Variants in CRPPA observed in about 807,000 individuals in gnomAD.
CRPPA encodes the protein CDP-L-ribitol pyrophosphorylase A.
A neutral mutation model predicts 52.0 loss-of-function variants in CRPPA; 43 were observed. The ratio of observed to expected loss-of-function variants is 0.83; its 90% confidence interval spans 0.65 to 1.07. CRPPA has a LOEUF of 1.07. CRPPA is among the 50% of genes least tolerant of loss of function. The probability of loss-of-function intolerance (pLI) is 0.00; values close to 1 mark genes in which losing one functional copy is unlikely to be tolerated. For missense variants in CRPPA, 629 were observed against 551.7 expected, an observed-to-expected ratio of 1.14 and a Z score of -1.40; for synonymous variants, 250 against 203.5, an observed-to-expected ratio of 1.23 and a Z score of -1.94.
intron 9 of CRPPA, among the ~76,000 whole-genome samples, chr7:16,201,606 A>G (rs1781858716): frequency 6.6e-6 from 1 of 152,056 alleles, no homozygotes; most frequent in Non-Finnish European, 1.5e-5. Flanking sequence ...GTGTCCCTGT[A>G]TCTTATTCTT....
rs769156428 is a variant in CRPPA at position 16,216,270 on chromosome 7, A to G, written c.1120-73T>C. ...TCTCTGGAGGGAAAAAACATTAAAG[A>G]AGCTCAAAACCCATATGATTACAAT... On this transcript the variant is annotated intron_variant, in intron 8 of 9. Coordinates refer to ENST00000407010, the MANE Select transcript of CRPPA (RefSeq NM_001101426.4). The G allele has an allele frequency of 2.2e-5, 22 of 986,150 alleles. No homozygotes were observed. The Middle Eastern group carries it at 3.0e-3, about 133-fold the overall frequency. 61.1% of individuals were successfully genotyped at this position (986,150 alleles called of 1,614,324 possible).
At chr7:16,294,717 T>C (rs1294362568) in intron 5 of CRPPA, among the ~76,000 whole-genome samples, 1 of 152,036 alleles carries the variant, frequency 6.6e-6, no homozygotes, top group Non-Finnish European at 1.5e-5. Context: ...TTGGGGTTAC[T>C]ATATACATAA....
chr7:16,233,897 G>A (rs1782871672), intron 8 of CRPPA, among the ~76,000 whole-genome samples: 1 of 152,052 alleles, frequency 6.6e-6, no homozygotes, highest in Non-Finnish European at 1.5e-5. Flanking sequence ...TTATGACAAG[G>A]GTAGAGGCTA....
chr7:16,399,066 C>T (rs1017984699), intron 2 of CRPPA, among the ~76,000 whole-genome samples: 1 of 152,166 alleles, frequency 6.6e-6, no homozygotes, highest in Non-Finnish European at 1.5e-5. Flanking sequence ...ACAATTGGTG[C>T]ATGACCAACA....
intron 2 of CRPPA, among the ~76,000 whole-genome samples, chr7:16,398,086 C>T (rs1009021251): frequency 1.3e-5 from 2 of 151,342 alleles, no homozygotes; most frequent in Admixed American, 1.3e-4. Flanking sequence ...GACACGTGAA[C>T]AATAACATTA....
chr7:16,240,926 C>T (rs1783090123), intron 8 of CRPPA, among the ~76,000 whole-genome samples: 1 of 152,086 alleles, frequency 6.6e-6, no homozygotes, highest in South Asian at 2.1e-4. Context: ...GAAGGAATCA[C>T]TATGTTTTTT....
chr7:16,353,192 C>T (rs907749687), intron 3 of CRPPA, among the ~76,000 whole-genome samples: 2 of 151,778 alleles, frequency 1.3e-5, no homozygotes, highest in African/African-American at 4.8e-5. Context: ...CCTGTTTAAA[C>T]TAAAAAATAC....
intron 9 of CRPPA, among the ~76,000 whole-genome samples, chr7:16,110,495 G>A (rs1782238922): frequency 2.0e-5 from 3 of 152,004 alleles, no homozygotes; most frequent in Admixed American, 2.0e-4. Context: ...CCAAGCTGAA[G>A]GCATCACAAT....
chr7:16,147,531 C>A (rs1486168594), intron 9 of CRPPA, among the ~76,000 whole-genome samples: 1 of 152,130 alleles, frequency 6.6e-6, no homozygotes, highest in African/African-American at 2.4e-5. Flanking sequence ...ACTTACTTAT[C>A]TTTGTTCAAT....
chr7:16,144,383 C>T (rs974964205), intron 9 of CRPPA, among the ~76,000 whole-genome samples: 2 of 152,118 alleles, frequency 1.3e-5, no homozygotes, highest in African/African-American at 2.4e-5. Context: ...AGAGACATGC[C>T]CAAGGGAGCT....
At chr7:16,329,007 C>A (rs945991992) in intron 3 of CRPPA, among the ~76,000 whole-genome samples, 2 of 152,096 alleles carry the variant, frequency 1.3e-5, no homozygotes, top group Non-Finnish European at 2.9e-5. Flanking sequence ...ATCATTAAGA[C>A]AAGTAACATA....
At chr7:16,334,389 G>C (rs1356852208) in intron 3 of CRPPA, among the ~76,000 whole-genome samples, 2 of 152,144 alleles carry the variant, frequency 1.3e-5, no homozygotes. Flanking sequence ...TACCCATAGA[G>C]GGAGAATCTG....
In CRPPA at chr7:16,105,881, C is replaced by G. The variant is rs73681736; in HGVS notation, c.1252-14082G>C. Among the ~76,000 whole-genome samples the G allele has an allele frequency of 3.1e-3, 474 of 152,230 alleles. 2 individuals carry two copies. The highest frequency in any genetic ancestry group is 0.011 in the African/African-American group (453 of 41,528). On this transcript the variant is annotated intron_variant, in intron 9 of 9. Coordinates refer to ENST00000407010, the MANE Select transcript of CRPPA (RefSeq NM_001101426.4). Reference sequence around the variant, plus strand: ...CACCTCTATGAAGCTAAAAGTCCTACCCAATGACCCCATTCAGGAAAGAAG... The same window carrying G: ...CACCTCTATGAAGCTAAAAGTCCTAGCCAATGACCCCATTCAGGAAAGAAG...
chr7:16,217,153 A>C (rs1184778118), intron 8 of CRPPA, among the ~76,000 whole-genome samples: 2 of 146,332 alleles, frequency 1.4e-5, no homozygotes, highest in African/African-American at 5.0e-5. Context: ...GAGCAGCCTA[A>C]CTGGGAGGCA....
intron 9 of CRPPA, among the ~76,000 whole-genome samples, chr7:16,104,580 T>C (rs1156337393): frequency 6.6e-6 from 1 of 152,182 alleles, no homozygotes; most frequent in Non-Finnish European, 1.5e-5. Flanking sequence ...AGAGTTCATG[T>C]GGATATTAAA....
chr7:16,400,233 C>G (rs1035577286), intron 2 of CRPPA, among the ~76,000 whole-genome samples: 3 of 149,344 alleles, frequency 2.0e-5, no homozygotes, highest in South Asian at 2.1e-4. Flanking sequence ...GTGGCTGACA[C>G]AAGATCTACA....
intron 9 of CRPPA, among the ~76,000 whole-genome samples, chr7:16,168,532 AAAACAC>A (rs1562536329): frequency 9.8e-6 from 1 of 102,494 alleles, no homozygotes; most frequent in South Asian, 3.7e-4. Flanking sequence ...TGAGTGAAGT[AAAACAC>A]ACACACACAC....
intron 8 of CRPPA, among the ~76,000 whole-genome samples, chr7:16,257,497 CA>C (rs981261650): frequency 1.3e-5 from 2 of 152,052 alleles, no homozygotes; most frequent in Non-Finnish European, 2.9e-5. Context: ...GGTATATGAC[CA>C]AATAAAGAGG....
At chr7:16,340,089 C>T (rs565441362) in intron 3 of CRPPA, among the ~76,000 whole-genome samples, 3 of 152,216 alleles carry the variant, frequency 2.0e-5, no homozygotes, top group South Asian at 2.1e-4. Context: ...TTACATCTTT[C>T]ACCCAAGTTA....
Sources: allele counts gnomAD v4.1 joint callset (sites outside exome capture counted in the v4.1 genomes callset), GRCh38; gene constraint gnomAD v4.1.1; transcripts MANE v1.5; gene names NCBI Gene and HGNC (gene_info 2026-07-23, HGNC 2026-07-21).